RHOJ: variants seen among roughly 807,000 people sequenced by gnomAD.
RHOJ encodes the protein rho-related GTP-binding protein RhoJ.
Under a neutral mutation model 23.4 loss-of-function variants are expected in RHOJ, and 11 were observed. The observed-to-expected ratio is 0.47, with a 90% CI of 0.30 to 0.78. The LOEUF is 0.78. Among genes scored for constraint, RHOJ ranks in the 30% least tolerant of loss-of-function variants. The pLI, the probability that RHOJ is intolerant of heterozygous loss-of-function variation, is 0.08. For synonymous variants in RHOJ, 102 were observed against 102.7 expected (o/e 0.99, Z 0.04); for missense variants, 254 against 273.4 (o/e 0.93, Z 0.50).
chr14:63,234,330 C>T (rs550977350), intron 1 of RHOJ, among the ~76,000 whole-genome samples: 7 of 152,294 alleles, frequency 4.6e-5, no homozygotes, highest in Admixed American at 1.3e-4. Flanking sequence ...TCTGCTCCTC[C>T]GACTAAACTA....
At chr14:63,209,233 A>G (rs983626105) in intron 1 of RHOJ, among the ~76,000 whole-genome samples, 2 of 152,128 alleles carry the variant, frequency 1.3e-5, no homozygotes, top group African/African-American at 4.8e-5. Flanking sequence ...AATTCTCCAC[A>G]TAGCTGGCAG....
At chr14:63,271,957 T>A (rs865921839) in intron 2 of RHOJ, among the ~76,000 whole-genome samples, 4 of 152,196 alleles carry the variant, frequency 2.6e-5, no homozygotes, top group Admixed American at 6.5e-5. Flanking sequence ...TGAGAGCCAC[T>A]CAAAGTGTGG....
Position 63,269,098 on chromosome 14 carries a change from C to A in RHOJ, c.179-12C>A. ...GGACTCTCCTCTTCTTTTCTTTTCT[C>A]TTCTCCCCTAGTTACTGTGACTGTG... On this transcript the variant is annotated splice_polypyrimidine_tract_variant and intron_variant, in intron 1 of 4. Coordinates refer to ENST00000316754, the MANE Select transcript of RHOJ (RefSeq NM_020663.5). The A allele has an allele frequency of 6.2e-7, 1 of 1,604,936 alleles. No individual in the cohort carries two copies. The highest frequency in any genetic ancestry group is 2.2e-5 in the East Asian group (1 of 44,832).
intron 1 of RHOJ, among the ~76,000 whole-genome samples, chr14:63,206,694 A>G (rs1282815370): frequency 2.0e-5 from 3 of 152,226 alleles, no homozygotes; most frequent in African/African-American, 7.2e-5. Flanking sequence ...AAAAATCTAC[A>G]CTAGAAATCA....
At chr14:63,277,580 C>G (rs1378162371) in intron 2 of RHOJ, among the ~76,000 whole-genome samples, 1 of 152,186 alleles carries the variant, frequency 6.6e-6, no homozygotes, top group Non-Finnish European at 1.5e-5. Context: ...CACAGAAGTG[C>G]CACGTGTTCA....
At chr14:63,242,864 T>C (rs1038332702) in intron 1 of RHOJ, among the ~76,000 whole-genome samples, 3 of 152,212 alleles carry the variant, frequency 2.0e-5, no homozygotes, top group African/African-American at 7.2e-5. Context: ...GCCACAATTT[T>C]TTGCTATGTG....
chr14:63,275,563 C>T (rs1429484461), intron 2 of RHOJ, among the ~76,000 whole-genome samples: 2 of 152,122 alleles, frequency 1.3e-5, no homozygotes. Context: ...CATGTTCTTG[C>T]CTTCAGGGTG....
chr14:63,282,286 G>GCACA (rs36227581), intron 3 of RHOJ, among the ~76,000 whole-genome samples: 3,082 of 133,252 alleles, frequency 0.023, 45 homozygotes, highest in African/African-American at 0.039. Context: ...ACAAACACAT[G>GCACA]CACACACACA....
At chr14:63,261,266 T>A (rs941095221) in intron 1 of RHOJ, among the ~76,000 whole-genome samples, 11 of 152,190 alleles carry the variant, frequency 7.2e-5, no homozygotes, top group Admixed American at 2.0e-4. Flanking sequence ...AGAAAACCTG[T>A]TTATGTATCA....
At chr14:63,245,442 G>C (rs762520950) in intron 1 of RHOJ, among the ~76,000 whole-genome samples, 19 of 152,164 alleles carry the variant, frequency 1.2e-4, no homozygotes, top group Non-Finnish European at 2.5e-4. Flanking sequence ...GAGGCCAGGA[G>C]TTTGAGACCA....
At chr14:63,286,994 T>A (rs985929859) in intron 4 of RHOJ, among the ~76,000 whole-genome samples, 2 of 152,086 alleles carry the variant, frequency 1.3e-5, no homozygotes, top group African/African-American at 4.8e-5. Flanking sequence ...TTGCTAATTC[T>A]CAAATGAGGA....
chr14:63,236,167 G>C (rs1051497611), intron 1 of RHOJ, among the ~76,000 whole-genome samples: 1 of 152,150 alleles, frequency 6.6e-6, no homozygotes, highest in Non-Finnish European at 1.5e-5. Flanking sequence ...TTCCAAGAGA[G>C]GCTACAGGCT....
chr14:63,227,244 G>A (rs545774046), intron 1 of RHOJ, among the ~76,000 whole-genome samples: 26 of 152,234 alleles, frequency 1.7e-4, no homozygotes, highest in Non-Finnish European at 3.2e-4. Flanking sequence ...GAGCCACCGC[G>A]CCCAGCCGAG....
At chr14:63,213,057 T>G (rs762100) in intron 1 of RHOJ, among the ~76,000 whole-genome samples, 139,976 of 152,264 alleles carry the variant, frequency 0.92, 64,700 homozygotes, top group South Asian at 0.98. Context: ...CATACTACTA[T>G]GTAAGCTAAG....
intron 1 of RHOJ, among the ~76,000 whole-genome samples, chr14:63,262,874 T>C (rs754755095): frequency 3.9e-5 from 6 of 152,208 alleles, no homozygotes; most frequent in Non-Finnish European, 8.8e-5. Context: ...TCTAAATACC[T>C]ATTATAGGGT....
intron 1 of RHOJ, among the ~76,000 whole-genome samples, chr14:63,222,446 G>A (rs199849319): frequency 6.6e-6 from 1 of 152,150 alleles, no homozygotes; most frequent in Non-Finnish European, 1.5e-5. Context: ...CACCAACAGT[G>A]TAAAAGTGTT....
chr14:63,260,153 TATATTTCTTTCAGTTTACAACTA>T (rs1233468678), intron 1 of RHOJ, among the ~76,000 whole-genome samples: 1 of 152,228 alleles, frequency 6.6e-6, no homozygotes, highest in African/African-American at 2.4e-5. Context: ...TTATAGCTCA[TATATTTCTTTCAGTTTACAACTA>T]ATACATTTTG....
At chr14:63,280,932 T>C in intron 2 of RHOJ, 39 bp from the exon 3 acceptor site, 10 of 1,588,446 alleles carry the variant, frequency 6.3e-6, no homozygotes, top group Non-Finnish European at 7.7e-6. Flanking sequence ...GGACACACCT[T>C]ACACAGGCTG....
At chr14:63,288,775 G>GA (rs1313648539) in intron 4 of RHOJ, among the ~76,000 whole-genome samples, 65 of 152,090 alleles carry the variant, frequency 4.3e-4, no homozygotes, top group Non-Finnish European at 7.7e-4. Flanking sequence ...TTCTTGTCAG[G>GA]AAAAAAATGA....
Sources: allele counts gnomAD v4.1 joint callset (sites outside exome capture counted in the v4.1 genomes callset), GRCh38; gene constraint gnomAD v4.1.1; transcripts MANE v1.5; gene names NCBI Gene and HGNC (gene_info 2026-07-23, HGNC 2026-07-21).